The following EPHB1 variants were observed in gnomAD, a reference collection of about 807,000 sequenced individuals.
EPHB1 encodes the protein EPH receptor B1.
Under a neutral mutation model 94.4 loss-of-function variants are expected in EPHB1, and 30 were observed. The ratio of observed to expected loss-of-function variants is 0.32; its 90% CI spans 0.24 to 0.43. The LOEUF (loss-of-function observed/expected upper bound fraction) is 0.43. EPHB1 is among the 20% of genes least tolerant of loss of function. EPHB1 has a pLI of 1.00. For missense variants in EPHB1, 1,055 were observed against 1,308.3 expected (o/e 0.81, Z 2.99); for synonymous variants, 522 against 489.1 (o/e 1.07, Z -0.89).
At chr3:134,805,129 A>G (rs559319953) in intron 1 of EPHB1, among the ~76,000 whole-genome samples, 1 of 152,258 alleles carries the variant, frequency 6.6e-6, no homozygotes, top group East Asian at 1.9e-4. Flanking sequence ...GGGATTGGGA[A>G]GGGGCCTCAT....
chr3:135,220,406 G>A (rs1943248003), intron 12 of EPHB1, among the ~76,000 whole-genome samples: 2 of 152,114 alleles, frequency 1.3e-5, no homozygotes, highest in Non-Finnish European at 2.9e-5. Context: ...GTAAGAAACA[G>A]GAAAGGAAGG....
chr3:135,195,283 G>GA (rs34682861), intron 11 of EPHB1, among the ~76,000 whole-genome samples: 1 of 151,852 alleles, frequency 6.6e-6, no homozygotes, highest in Non-Finnish European at 1.5e-5. Flanking sequence ...TGAGCCTGCG[G>GA]AAAATCAAAA....
chr3:134,931,221 A>G (rs550344752), intron 2 of EPHB1, among the ~76,000 whole-genome samples: 1 of 152,370 alleles, frequency 6.6e-6, no homozygotes, highest in South Asian at 2.1e-4. Flanking sequence ...AGATAAGCAT[A>G]ATAAAGGGGA....
intron 2 of EPHB1, among the ~76,000 whole-genome samples, chr3:134,933,880 A>G (rs1042316950): frequency 6.6e-6 from 1 of 152,082 alleles, no homozygotes; most frequent in African/African-American, 2.4e-5. Context: ...TTCTCACGGT[A>G]AGAGACATGG....
rs541811426 is a variant in EPHB1 at position 134,864,493 on chromosome 3, C to T, written c.59-61323C>T. Among the ~76,000 whole-genome samples, 4 of 152,294 alleles carry T rather than the reference C, an allele frequency of 2.6e-5. No homozygotes were observed. In the East Asian group the frequency reaches 7.7e-4, roughly 29 times the overall value. ...TCTCAGGACTGAATGACAATCCTCT[C>T]TCATTCTGTTTTGCCCTGTCTCCCT... is the stretch of plus-strand genomic sequence containing the variant. On this transcript the variant is annotated intron_variant, in intron 1 of 15. Transcript: ENST00000398015.
At chr3:134,893,055 C>T (rs922070866) in intron 1 of EPHB1, among the ~76,000 whole-genome samples, 8 of 148,602 alleles carry the variant, frequency 5.4e-5, no homozygotes, top group Non-Finnish European at 1.2e-4. Flanking sequence ...GAAAAATCTC[C>T]TCATCCATCT....
intron 1 of EPHB1, among the ~76,000 whole-genome samples, chr3:134,800,950 C>T (rs2035923384): frequency 6.6e-6 from 1 of 152,218 alleles, no homozygotes; most frequent in African/African-American, 2.4e-5. Flanking sequence ...TGAACCCAGG[C>T]AGTCAGGCTC....
intron 3 of EPHB1, among the ~76,000 whole-genome samples, chr3:135,104,079 T>C (rs1385290655): frequency 6.6e-6 from 1 of 152,148 alleles, no homozygotes; most frequent in Non-Finnish European, 1.5e-5. Context: ...AGGGGCCAAA[T>C]ATGAATGCTT....
chr3:134,842,518 A>G (rs1347560596), intron 1 of EPHB1, among the ~76,000 whole-genome samples: 1 of 152,160 alleles, frequency 6.6e-6, no homozygotes, highest in Non-Finnish European at 1.5e-5. Flanking sequence ...TAGAAAAACT[A>G]ATTCTTCTAA....
intron 1 of EPHB1, among the ~76,000 whole-genome samples, chr3:134,854,825 T>C (rs1335714986): frequency 6.6e-6 from 1 of 152,202 alleles, no homozygotes; most frequent in Non-Finnish European, 1.5e-5. Context: ...TCACCTATTT[T>C]TCTTTAGAGA....
chr3:134,817,585 TGACC>T (rs1241212152), intron 1 of EPHB1, among the ~76,000 whole-genome samples: 1 of 152,260 alleles, frequency 6.6e-6, no homozygotes, highest in Admixed American at 6.5e-5. Flanking sequence ...ACCAGCTGCG[TGACC>T]TTGGAAAGCC....
intron 1 of EPHB1, among the ~76,000 whole-genome samples, chr3:134,916,293 C>A (rs1221879967): frequency 6.6e-6 from 1 of 152,258 alleles, no homozygotes; most frequent in African/African-American, 2.4e-5. Context: ...GCTGGCTTCA[C>A]CCAGTGGATC....
intron 3 of EPHB1, among the ~76,000 whole-genome samples, chr3:135,024,141 C>G (rs1359212496): frequency 6.6e-6 from 1 of 152,196 alleles, no homozygotes; most frequent in Non-Finnish European, 1.5e-5. Context: ...AGCTTACAGT[C>G]TCTACCTAGT....
chr3:134,836,444 G>C (rs78163033), intron 1 of EPHB1, among the ~76,000 whole-genome samples: 1 of 152,042 alleles, frequency 6.6e-6, no homozygotes, highest in African/African-American at 2.4e-5. Context: ...ATGTATTAAC[G>C]CAAATTGAAG....
intron 12 of EPHB1, among the ~76,000 whole-genome samples, chr3:135,235,478 C>T (rs1455978380): frequency 6.6e-6 from 1 of 152,198 alleles, no homozygotes; most frequent in Non-Finnish European, 1.5e-5. Context: ...AGAACCACTT[C>T]TCCAGCCAGT....
intron 3 of EPHB1, among the ~76,000 whole-genome samples, chr3:135,050,406 A>G (rs1937136864): frequency 6.6e-6 from 1 of 152,198 alleles, no homozygotes; most frequent in Non-Finnish European, 1.5e-5. Context: ...TTTAAAAAAT[A>G]TATTGCATTT....
At chr3:135,159,247 A>G (rs1269286955) in intron 6 of EPHB1, among the ~76,000 whole-genome samples, 1 of 152,244 alleles carries the variant, frequency 6.6e-6, no homozygotes, top group East Asian at 1.9e-4. Context: ...GAAATTGATT[A>G]ATGATTTTGT....
intron 3 of EPHB1, among the ~76,000 whole-genome samples, chr3:135,062,966 T>C (rs185945901): frequency 5.9e-5 from 9 of 152,226 alleles, no homozygotes; most frequent in Non-Finnish European, 1.0e-4. Context: ...TTTATGTTTT[T>C]GTTTGCTTTG....
chr3:134,913,588 A>G (rs1317061433), intron 1 of EPHB1, among the ~76,000 whole-genome samples: 2 of 152,198 alleles, frequency 1.3e-5, no homozygotes, highest in East Asian at 3.9e-4. Context: ...ATTGCTTCCC[A>G]AGAGGAAACA....
Sources: gnomAD v4.1 joint callset for allele counts (sites outside exome capture counted in the v4.1 genomes callset) on GRCh38, gnomAD v4.1.1 for gene constraint, MANE v1.5 for transcripts, NCBI Gene and HGNC (gene_info 2026-07-23, HGNC 2026-07-21) for gene names.